CCDC73: variants seen among roughly 807,000 people sequenced by gnomAD.
CCDC73 encodes coiled-coil domain-containing protein 73.
CCDC73 carries 95 observed loss-of-function variants against 116.5 expected under a neutral mutation model. That is an observed-to-expected ratio of 0.82 (90% CI 0.69 to 0.97). The LOEUF (loss-of-function observed/expected upper bound fraction) is 0.97. CCDC73 is among the 50% of genes least tolerant of loss of function. The probability of loss-of-function intolerance (pLI) is 0.00; values close to 1 mark genes in which losing one functional copy is unlikely to be tolerated. For missense variants in CCDC73, 1,066 were observed against 1,206.8 expected (o/e 0.88, Z 1.73); for synonymous variants, 398 against 401.3 (o/e 0.99, Z 0.10).
chr11:32,742,705 G>A (rs1277303669), intron 2 of CCDC73, among the ~76,000 whole-genome samples: 3 of 152,174 alleles, frequency 2.0e-5, no homozygotes, highest in South Asian at 2.1e-4. Context: ...ATTGCTTTTC[G>A]TGTTTTAGAC....
chr11:32,724,127 T>G (rs1485640094), intron 2 of CCDC73, among the ~76,000 whole-genome samples: 2 of 152,132 alleles, frequency 1.3e-5, no homozygotes, highest in Non-Finnish European at 2.9e-5. Flanking sequence ...ATACCATTTT[T>G]AATTTTATGG....
chr11:32,701,779 CA>C (rs1392486406), intron 4 of CCDC73, among the ~76,000 whole-genome samples: 1 of 151,958 alleles, frequency 6.6e-6, no homozygotes, highest in African/African-American at 2.4e-5. Flanking sequence ...CTAAGGAACA[CA>C]AGGGTATTAG....
chr11:32,792,673 G>A (rs1000519405), intron 1 of CCDC73, among the ~76,000 whole-genome samples: 1 of 152,286 alleles, frequency 6.6e-6, no homozygotes. Context: ...AGAAAACTCA[G>A]TCAGATTTCT....
At chr11:32,691,589 T>A (rs1227057638) in intron 6 of CCDC73, among the ~76,000 whole-genome samples, 1 of 152,212 alleles carries the variant, frequency 6.6e-6, no homozygotes, top group Non-Finnish European at 1.5e-5. Flanking sequence ...GAGGTCTTTG[T>A]TATTTTGGAT....
chr11:32,678,274 G>A (rs567424785), intron 7 of CCDC73, among the ~76,000 whole-genome samples: 7 of 152,028 alleles, frequency 4.6e-5, no homozygotes, highest in East Asian at 1.9e-4. Context: ...GTGAGACTCC[G>A]TCTCAAAATA....
chr11:32,778,215 C>A (rs545049393), intron 1 of CCDC73, among the ~76,000 whole-genome samples: 2 of 152,276 alleles, frequency 1.3e-5, no homozygotes, highest in South Asian at 4.1e-4. Context: ...ATTCTCAAAC[C>A]TTTCTCTGAT....
rs1389684550 is a variant in CCDC73, at chr11:32,755,536, A to T, written c.135+4573T>A. On this transcript the variant is annotated intron_variant, in intron 2 of 17. Coordinates refer to ENST00000335185, the MANE Select transcript of CCDC73 (RefSeq NM_001008391.4). The stretch of plus-strand genomic sequence containing the variant: ...GTGACAAAGCAAGACTCCATCTCAA[A>T]ATATATATATATATATATATATATA... Among the ~76,000 whole-genome samples the T allele has an allele frequency of 9.1e-3, 546 of 59,772 alleles. 14 individuals carry two copies. Among genetic ancestry groups the T allele is most frequent in the African/African-American group, 0.033 (518 of 15,792 alleles). The allele number at this position is 59,772 out of a possible 152,430, so 39.2% of individuals were successfully genotyped here.
intron 9 of CCDC73, among the ~76,000 whole-genome samples, chr11:32,659,097 A>AT (rs989938922): frequency 2.6e-4 from 40 of 152,340 alleles, no homozygotes; most frequent in African/African-American, 7.9e-4. Context: ...CTTCATTTAC[A>AT]TTTTTTTCAA....
At chr11:32,615,837 G>A in intron 15 of CCDC73, 103 bp downstream of exon 15, 1 of 1,081,172 alleles carries the variant, frequency 9.2e-7, no homozygotes, top group Non-Finnish European at 1.3e-6. Flanking sequence ...AAAAGACTAG[G>A]AATAAGTCAT....
At chr11:32,779,181 GTGA>G (rs1565099900) in intron 1 of CCDC73, among the ~76,000 whole-genome samples, 25 of 150,608 alleles carry the variant, frequency 1.7e-4, no homozygotes, top group African/African-American at 5.9e-4. Context: ...GTTGCAACCA[GTGA>G]AGAGTAGCTT....
the CCDC73 span, chr11:32,829,653 ACTGAGAACCGAAATGCTTC>A: frequency 1.5e-6 from 1 of 651,188 alleles, no homozygotes; most frequent in Middle Eastern, 7.8e-4. Context: ...TCTGCTTAAG[ACTGAGAACCGAAATGCTTC>A]CTGAATTAGG....
At chr11:32,692,032 A>G (rs1259861961) in intron 6 of CCDC73, among the ~76,000 whole-genome samples, 2 of 140,422 alleles carry the variant, frequency 1.4e-5, no homozygotes, top group African/African-American at 5.5e-5. Context: ...TGGGCAACAG[A>G]GCAAGACTCC....
At chr11:32,745,014 T>A (rs1038224646) in intron 2 of CCDC73, among the ~76,000 whole-genome samples, 2 of 152,216 alleles carry the variant, frequency 1.3e-5, no homozygotes, top group Non-Finnish European at 2.9e-5. Context: ...CAATTTTAGA[T>A]CTTTCCTGCT....
chr11:32,760,342 C>T (rs756962611), intron 1 of CCDC73, 84 bp from the exon 2 acceptor site: 6 of 769,358 alleles, frequency 7.8e-6, no homozygotes, highest in Non-Finnish European at 8.4e-6. Context: ...ATATAACAAC[C>T]TGTATCCCAT....
intron 14 of CCDC73, among the ~76,000 whole-genome samples, chr11:32,631,278 AAC>A (rs1855628428): frequency 6.6e-6 from 1 of 152,230 alleles, no homozygotes; most frequent in Non-Finnish European, 1.5e-5. Flanking sequence ...CCAACAGCAG[AAC>A]ACACATTCTC....
intron 14 of CCDC73, among the ~76,000 whole-genome samples, chr11:32,629,928 AAAAAAAC>A (rs1329390448): frequency 6.7e-6 from 1 of 148,776 alleles, no homozygotes; most frequent in Non-Finnish European, 1.5e-5. Flanking sequence ...ATGCAAAAAA[AAAAAAAC>A]AAAAAAAAAA....
the CCDC73 span, among the ~76,000 whole-genome samples, chr11:32,820,444 C>T: frequency 6.6e-6 from 1 of 152,122 alleles, no homozygotes; most frequent in South Asian, 2.1e-4. Flanking sequence ...GTGTGAGCCA[C>T]CACACTCATC....
intron 6 of CCDC73, among the ~76,000 whole-genome samples, chr11:32,693,745 C>A (rs1856283506): frequency 6.6e-6 from 1 of 152,216 alleles, no homozygotes; most frequent in African/African-American, 2.4e-5. Context: ...CCCTGGGATG[C>A]AAGGCTGGTT....
chr11:32,770,358 T>C (rs1850482609), intron 1 of CCDC73, among the ~76,000 whole-genome samples: 1 of 152,132 alleles, frequency 6.6e-6, no homozygotes, highest in Non-Finnish European at 1.5e-5. Context: ...AAAGCTATCC[T>C]AGATTCAAAG....
Sources: gnomAD v4.1 joint callset for allele counts (sites outside exome capture counted in the v4.1 genomes callset) on GRCh38, gnomAD v4.1.1 for gene constraint, MANE v1.5 for transcripts, NCBI Gene and HGNC (gene_info 2026-07-23, HGNC 2026-07-21) for gene names.